Variants in OTX2 observed in about 807,000 individuals in gnomAD.
OTX2 encodes orthodenticle homeobox 2.
OTX2 carries 4 observed loss-of-function variants against 29.0 expected under a neutral mutation model. The ratio of observed to expected loss-of-function variants is 0.14; its 90% CI spans 0.07 to 0.32. The LOEUF (loss-of-function observed/expected upper bound fraction) is 0.32. Ranked by LOEUF, OTX2 falls within the 10% of genes least tolerant of loss-of-function variation. The pLI is 1.00. For synonymous variants in OTX2, 134 were observed against 141.0 expected (o/e 0.95, Z 0.35); for missense variants, 298 against 365.9 (o/e 0.81, Z 1.51).
At chr14:56,805,664 G>A (rs1892064070) in intron 2 of OTX2, 89 bp from the exon 3 acceptor site, 4 of 591,550 alleles carry the variant, frequency 6.8e-6, no homozygotes, top group African/African-American at 5.5e-5. Context: ...AACTTAAAAA[G>A]AGCACGGACT....
Position 56,801,556 on chromosome 14 carries a change from G to T in OTX2, c.*179C>A, listed in dbSNP as rs1360812788. 4.6e-6 allele frequency: 3 copies of T among 648,136 alleles called. No individual in the cohort carries two copies. The African/African-American group carries it at 5.5e-5, about 12-fold the overall frequency. 40.1% of individuals were successfully genotyped at this position (648,136 alleles called of 1,614,324 possible). On this transcript the variant is annotated 3_prime_UTR_variant, in exon 5 of 5. Coordinates refer to ENST00000672264, the MANE Select transcript of OTX2 (RefSeq NM_021728.4). The surrounding 1 kb of genome is among the most constrained non-coding windows in gnomAD (Gnocchi z 4.2). ...AAGCAGATTGGTTTGTCCATTTCAT[G>T]TTGCTGGTTTGTAGGCCCCTCTAAG...
rs184300366 is a variant in OTX2, at chr14:56,807,282, A to C, written c.-119-1707T>G. ...AAATAAACAAAAATCTCCAGCTTAG[A>C]GGCTGTTTAAACACATATGCGACAG... is the stretch of plus-strand genomic sequence containing the variant. On this transcript the variant is annotated intron_variant, in intron 2 of 4. Transcript: ENST00000672264. Among the ~76,000 whole-genome samples the C allele has an allele frequency of 1.4e-3, 217 of 152,230 alleles. 1 individual carries two copies. The highest frequency in any genetic ancestry group is 4.9e-3 in the African/African-American group (204 of 41,570).
intron 2 of OTX2, among the ~76,000 whole-genome samples, chr14:56,808,630 C>A (rs1363165594): frequency 3.3e-5 from 5 of 152,188 alleles, no homozygotes; most frequent in African/African-American, 1.2e-4. Flanking sequence ...TCCTACTCCC[C>A]TCTGTTGCTA....
In OTX2 at chr14:56,802,134, G is replaced by T; in HGVS notation, c.495C>A (p.Ile165=). ...TGGACAAGGGATCTGACAGTGGGGA[G>T]ATGGAAGCTGGGCTCCAGATAGACA... ...APVSIWSPAS[I]SPLSDPLSTS... is the part of the protein sequence containing the mutation. The change falls in exon 5 of 5, where the codon ATC becomes ATA. Residue 165 remains isoleucine, a synonymous_variant. Transcript: ENST00000672264. The surrounding 1 kb of genome is among the most constrained non-coding windows in gnomAD (Gnocchi z 4.4). The T allele has an allele frequency of 6.2e-7, 1 of 1,614,174 alleles. No individual in the cohort carries two copies. The highest frequency in any genetic ancestry group is 8.5e-7 in the Non-Finnish European group (1 of 1,180,006).
intron 2 of OTX2, among the ~76,000 whole-genome samples, chr14:56,809,710 A>T (rs1892212037): frequency 6.6e-6 from 1 of 152,126 alleles, no homozygotes; most frequent in South Asian, 2.1e-4. Flanking sequence ...CAATCCATCC[A>T]TCTAGTTACA....
At chr14:56,807,096 C>T (rs1241780588) in intron 2 of OTX2, among the ~76,000 whole-genome samples, 1 of 152,200 alleles carries the variant, frequency 6.6e-6, no homozygotes, top group Non-Finnish European at 1.5e-5. Flanking sequence ...AAAAGTCATG[C>T]TTTTCTACCC....
rs941617589 is a variant in OTX2, at chr14:56,804,755, G to T, written c.98-392C>A. 3.9e-5 allele frequency among the ~76,000 whole-genome samples: 6 copies of T among 152,106 alleles called. No individual in the cohort carries two copies. The highest frequency in any genetic ancestry group is 7.3e-5 in the Non-Finnish European group (5 of 68,032). The stretch of plus-strand genomic sequence containing the variant: ...GGGAAATCTGGATCCTGTTCCCATG[G>T]TTTTTAGCACACCATGGGCCTTTGT... On this transcript the variant is annotated intron_variant, in intron 3 of 4. Transcript: ENST00000672264. The surrounding 1 kb of genome is among the most constrained non-coding windows in gnomAD (Gnocchi z 4.1).
intron 4 of OTX2, among the ~76,000 whole-genome samples, chr14:56,803,101 G>C (rs1315594442): frequency 6.6e-6 from 1 of 152,186 alleles, no homozygotes; most frequent in East Asian, 1.9e-4. Context: ...TGTGTTTACT[G>C]ACTTACCACT....
At chr14:56,809,207 G>A (rs923251576) in intron 2 of OTX2, among the ~76,000 whole-genome samples, 3 of 152,174 alleles carry the variant, frequency 2.0e-5, no homozygotes, top group Non-Finnish European at 4.4e-5. Flanking sequence ...GGCCTTGGGC[G>A]GAGCAGGGGC....
chr14:56,809,159 G>C (rs947236344), intron 2 of OTX2, among the ~76,000 whole-genome samples: 12 of 152,144 alleles, frequency 7.9e-5, no homozygotes, highest in Non-Finnish European at 1.8e-4. Context: ...GAGGGGCCGC[G>C]GTCCCAGCGG....
intron 4 of OTX2, among the ~76,000 whole-genome samples, chr14:56,803,037 G>A (rs76726177): frequency 1.3e-5 from 2 of 152,148 alleles, no homozygotes; most frequent in African/African-American, 2.4e-5. Flanking sequence ...TCTGGGACTC[G>A]AGTCTGTGTT....
chr14:56,808,454 A>G (rs746246166), intron 2 of OTX2, among the ~76,000 whole-genome samples: 85 of 152,120 alleles, frequency 5.6e-4, no homozygotes, highest in Admixed American at 1.4e-3. Flanking sequence ...AACTCGAGTG[A>G]AAGTTTCTGG....
rs1006875475 is a variant in OTX2 at position 56,802,443 on chromosome 14, G to A, written c.274-88C>T. On this transcript the variant is annotated intron_variant, in intron 4 of 4. Transcript: ENST00000672264. This position sits in a 1 kb window ranked among gnomAD's most constrained non-coding sequence, Gnocchi z 4.4. ...CCCGTATTATAAATCTATCCTACAT[G>A]GGCAGATCAGCTAAACACACAATTT... 1 of 1,412,526 alleles carries A rather than the reference G, an allele frequency of 7.1e-7. No individual in the cohort carries two copies. Among genetic ancestry groups the A allele is most frequent in the African/African-American group, 1.4e-5 (1 of 71,216 alleles). The allele number at this position is 1,412,526 out of a possible 1,614,324, so 87.5% of individuals were successfully genotyped here.
At chr14:56,806,615 A>G (rs537079450) in intron 2 of OTX2, 6 of 152,228 alleles carry the variant, frequency 3.9e-5, no homozygotes, top group Non-Finnish European at 8.8e-5. Flanking sequence ...GTTTCCTGTT[A>G]ACTCTAACTG....
chr14:56,808,970 G>A (rs766232770), intron 2 of OTX2, among the ~76,000 whole-genome samples: 34 of 152,268 alleles, frequency 2.2e-4, no homozygotes, highest in Admixed American at 3.9e-4. Context: ...GCCCGCGCCC[G>A]GCGCTGGCAG....
chr14:56,805,463 G>T lies in OTX2; in HGVS notation c.-7C>A, dbSNP rs752785578. 1 of 1,606,868 alleles carries T rather than the reference G, an allele frequency of 6.2e-7. No individual in the cohort carries two copies. Among genetic ancestry groups the T allele is most frequent in the Non-Finnish European group, 8.5e-7 (1 of 1,173,524 alleles). ...GCTTAAGATAAGACATCATGCTAAG[G>T]TTGTTTGGAGGTGCAAAGTCGGCCC... is the stretch of plus-strand genomic sequence containing the variant. On this transcript the variant is annotated 5_prime_UTR_variant, in exon 3 of 5. Transcript: ENST00000672264.
chr14:56,800,271 G>GT lies in OTX2; in HGVS notation c.*1463dup, dbSNP rs1891829341. 1.5e-5 allele frequency: 1 copy of GT among 65,472 alleles called. No homozygotes were observed. The highest frequency in any genetic ancestry group is 3.7e-5 in the African/African-American group (1 of 27,192). The allele number at this position is 65,472 out of a possible 1,614,324, so 4.1% of individuals were successfully genotyped here. ...TACACTCCCTCTCATGTTTACCTCA[G>GT]TTTTTGGAAGTTAAAAAAAAAAAAT... On this transcript the variant is annotated 3_prime_UTR_variant, in exon 5 of 5. Coordinates refer to ENST00000672264, the MANE Select transcript of OTX2 (RefSeq NM_021728.4).
rs1594952207 is a variant in OTX2, at chr14:56,801,928, G to A, written c.701C>T (p.Ala234Val). ...GGACTGATTGAGATGGCTGGTGACT[G>A]CATTGGTACCCATGGGACTGAGTGT... ...GATLSPMGTN[A>V]VTSHLNQSPA... is the part of the protein sequence containing the mutation. The change falls in exon 5 of 5, where the codon GCA (alanine) becomes GTA (valine). Residue 234 changes from alanine (A) to valine (V), a missense_variant. Physicochemically the swap from Ala to Val is moderately conservative, Grantham distance 64. This residue lies in a region of OTX2 where 219 missense variants were observed against 223.5 expected (regional missense o/e 0.98). Coordinates refer to ENST00000672264, the MANE Select transcript of OTX2 (RefSeq NM_021728.4). This position sits in a 1 kb window ranked among gnomAD's most constrained non-coding sequence, Gnocchi z 4.2. The A allele has an allele frequency of 5.0e-6, 8 of 1,614,214 alleles. No individual in the cohort carries two copies. Among genetic ancestry groups the A allele is most frequent in the Non-Finnish European group, 6.8e-6 (8 of 1,180,032 alleles).
Position 56,805,444 on chromosome 14 carries a change from G to T in OTX2, c.13C>A (p.Leu5Ile). ...TTGACTGCGTAAGGCGGTTGCTTAA[G>T]ATAAGACATCATGCTAAGGTTGTTT... MMSY[L>I]KQPPYAVNGL... Residue 5 changes from leucine to isoleucine, a missense_variant, in exon 3 of 5, where the codon CTT becomes ATT. Physicochemically the swap from Leu to Ile is conservative, Grantham distance 5. Transcript: ENST00000672264. 2 of 1,613,056 alleles carry T rather than the reference G, an allele frequency of 1.2e-6. No individual in the cohort carries two copies. The highest frequency in any genetic ancestry group is 1.7e-6 in the Non-Finnish European group (2 of 1,179,048).
Sources: allele counts gnomAD v4.1 joint callset (sites outside exome capture counted in the v4.1 genomes callset), GRCh38; gene constraint gnomAD v4.1.1; regional missense constraint gnomAD v4.1.1; non-coding constraint Gnocchi (gnomAD v3.1); transcripts MANE v1.5; gene names NCBI Gene and HGNC (gene_info 2026-07-23, HGNC 2026-07-21).